The following DLG2 variants were observed in gnomAD, a reference collection of about 807,000 sequenced individuals.
DLG2 encodes discs large MAGUK scaffold protein 2.
Under a neutral mutation model 132.5 loss-of-function variants are expected in DLG2, and 45 were observed. That is an observed-to-expected ratio of 0.34 (90% CI 0.27 to 0.44). The LOEUF is 0.44. DLG2 is among the 20% of genes least tolerant of loss of function. The pLI is 1.00. For missense variants in DLG2, 1,045 were observed against 1,196.9 expected (o/e 0.87, Z 1.87); for synonymous variants, 424 against 419.6 (o/e 1.01, Z -0.13).
intron 6 of DLG2, among the ~76,000 whole-genome samples, chr11:84,924,422 C>T (rs1371922726): frequency 6.6e-6 from 1 of 152,190 alleles, no homozygotes; most frequent in Non-Finnish European, 1.5e-5. Flanking sequence ...GAAAAAGCTG[C>T]AGTGACTTTT....
intron 4 of DLG2, among the ~76,000 whole-genome samples, chr11:85,262,221 T>A (rs1054051168): frequency 2.0e-5 from 3 of 152,172 alleles, no homozygotes; most frequent in African/African-American, 7.2e-5. Flanking sequence ...AGTGGCCATG[T>A]GGCAGGCCAG....
chr11:83,961,781 G>A (rs7107323), intron 14 of DLG2, among the ~76,000 whole-genome samples: 19,355 of 152,018 alleles, frequency 0.13, 1,402 homozygotes, highest in African/African-American at 0.18. Flanking sequence ...TTAGAGAGCC[G>A]TGAGGATTAT....
At chr11:84,742,820 C>G (rs1234799400) in intron 6 of DLG2, among the ~76,000 whole-genome samples, 1 of 152,138 alleles carries the variant, frequency 6.6e-6, no homozygotes, top group Non-Finnish European at 1.5e-5. Flanking sequence ...TTTACCTACT[C>G]CAACCCCTAG....
At chr11:84,018,506 T>C (rs2095288670) in intron 11 of DLG2, among the ~76,000 whole-genome samples, 1 of 151,968 alleles carries the variant, frequency 6.6e-6, no homozygotes, top group Non-Finnish European at 1.5e-5. Context: ...GATAGAAATA[T>C]TATCACCTTA....
At chr11:85,567,638 T>G (rs902229466) in intron 3 of DLG2, among the ~76,000 whole-genome samples, 1 of 152,178 alleles carries the variant, frequency 6.6e-6, no homozygotes, top group Non-Finnish European at 1.5e-5. Flanking sequence ...CTAATTTTCC[T>G]AGCTGGAATT....
At chr11:84,501,451 G>C (rs557240476) in intron 7 of DLG2, among the ~76,000 whole-genome samples, 2 of 152,282 alleles carry the variant, frequency 1.3e-5, no homozygotes, top group South Asian at 4.1e-4. Context: ...TGTAGTCCTA[G>C]ATACTCCAGA....
chr11:85,036,814 C>G (rs2061472707), intron 6 of DLG2, among the ~76,000 whole-genome samples: 2 of 152,120 alleles, frequency 1.3e-5, no homozygotes, highest in South Asian at 4.2e-4. Flanking sequence ...CTATCTACAA[C>G]AGGGATCAGC....
At chr11:84,910,521 C>T (rs1196238464) in intron 6 of DLG2, among the ~76,000 whole-genome samples, 1 of 152,056 alleles carries the variant, frequency 6.6e-6, no homozygotes. Context: ...ACACAAATAA[C>T]ATTTCTTATT....
Position 83,469,291 on chromosome 11 carries a change from A to G in DLG2, c.2529T>C (p.Asp843=). ...CTTCTATAAACTTGTGCTCTTGGATATCTTTCTCCATTTGTTCTCTGGAAA... is the reference window on the plus strand; with the variant it reads ...CTTCTATAAACTTGTGCTCTTGGATGTCTTTCTCCATTTGTTCTCTGGAAA... ...FVISREQMEK[D]IQEHKFIEAG... Residue 843 remains aspartate, a synonymous_variant, in exon 25 of 28, where the codon GAT becomes GAC. Transcript: ENST00000376104. 1 of 1,613,854 alleles carries G rather than the reference A, an allele frequency of 6.2e-7. No homozygotes were observed. Among genetic ancestry groups the G allele is most frequent in the South Asian group, 1.1e-5 (1 of 91,054 alleles).
chr11:85,147,633 A>T (rs1041860319), intron 5 of DLG2, among the ~76,000 whole-genome samples: 2 of 152,232 alleles, frequency 1.3e-5, no homozygotes, highest in Admixed American at 1.3e-4. Flanking sequence ...TTCATAACCA[A>T]TGAATTAAGT....
At chr11:84,617,773 C>T (rs954283865) in intron 6 of DLG2, among the ~76,000 whole-genome samples, 5 of 151,940 alleles carry the variant, frequency 3.3e-5, no homozygotes, top group African/African-American at 1.2e-4. Context: ...GGGTACACTA[C>T]GAAGAAGGGA....
intron 8 of DLG2, among the ~76,000 whole-genome samples, chr11:84,190,415 A>C (rs1354106781): frequency 6.6e-6 from 1 of 152,178 alleles, no homozygotes; most frequent in African/African-American, 2.4e-5. Context: ...TGGAACCAGA[A>C]AGCAAGTGAA....
chr11:84,902,813 C>T (rs10898320), intron 6 of DLG2, among the ~76,000 whole-genome samples: 70,945 of 152,016 alleles, frequency 0.47, 17,214 homozygotes, highest in South Asian at 0.61. Flanking sequence ...GGATAGCTAA[C>T]AACACCATAA....
At chr11:84,633,688 C>G (rs2099635960) in intron 6 of DLG2, among the ~76,000 whole-genome samples, 1 of 151,944 alleles carries the variant, frequency 6.6e-6, no homozygotes, top group Non-Finnish European at 1.5e-5. Context: ...GAGCCTGTCA[C>G]ACGGTAGTTG....
chr11:85,406,778 C>T (rs1034166951), intron 3 of DLG2, among the ~76,000 whole-genome samples: 2 of 151,826 alleles, frequency 1.3e-5, no homozygotes, highest in Non-Finnish European at 2.9e-5. Flanking sequence ...TCCTGCAGAG[C>T]TTAGATTCTG....
intron 3 of DLG2, among the ~76,000 whole-genome samples, chr11:85,346,731 G>A (rs551447409): frequency 6.6e-5 from 10 of 152,208 alleles, no homozygotes; most frequent in Non-Finnish European, 1.2e-4. Context: ...AAATGGAGTC[G>A]CTTTGGTTCA....
chr11:85,485,083 T>C (rs1197182960), intron 3 of DLG2, among the ~76,000 whole-genome samples: 1 of 152,042 alleles, frequency 6.6e-6, no homozygotes, highest in Non-Finnish European at 1.5e-5. Context: ...ACCATCATTC[T>C]CAGCAAACTA....
In DLG2 at chr11:83,673,591, A is replaced by G. The variant is rs115788729; in HGVS notation, c.1826-40266T>C. Among the ~76,000 whole-genome samples, 1,410 of 152,314 alleles carry G rather than the reference A, an allele frequency of 9.3e-3. 23 individuals carry two copies. Among genetic ancestry groups the G allele is most frequent in the African/African-American group, 0.031 (1,292 of 41,556 alleles). On this transcript the variant is annotated intron_variant, in intron 18 of 27. Coordinates refer to ENST00000376104, the MANE Select transcript of DLG2 (RefSeq NM_001142699.3). ...TTTTTGTTCGATTAAGGGGCTGCCA[A>G]TATTTCCTTGGGTTTGCTACTGGCC... is the stretch of plus-strand genomic sequence containing the variant.
intron 3 of DLG2, among the ~76,000 whole-genome samples, chr11:85,464,556 C>CA (rs1237258435): frequency 6.6e-6 from 1 of 151,562 alleles, no homozygotes; most frequent in African/African-American, 2.4e-5. Flanking sequence ...AAAGATATTT[C>CA]AAAAAAACAA....
Sources: allele counts gnomAD v4.1 joint callset (sites outside exome capture counted in the v4.1 genomes callset), GRCh38; gene constraint gnomAD v4.1.1; transcripts MANE v1.5; gene names NCBI Gene and HGNC (gene_info 2026-07-23, HGNC 2026-07-21).